The following TBATA variants were observed in gnomAD, a reference collection of about 807,000 sequenced individuals.
TBATA encodes protein TBATA.
Under a neutral mutation model 38.7 loss-of-function variants are expected in TBATA, and 47 were observed. The observed-to-expected ratio is 1.21, with a 90% CI of 0.96 to 1.55. The LOEUF (loss-of-function observed/expected upper bound fraction) is 1.55. Among genes scored for constraint, TBATA ranks in the 40% most tolerant of loss-of-function variants. The pLI, the probability that TBATA is intolerant of heterozygous loss-of-function variation, is 0.00. For missense variants in TBATA, 436 were observed against 435.6 expected (o/e 1.00, Z -0.01); for synonymous variants, 183 against 170.5 (o/e 1.07, Z -0.57).
At chr10:70,772,615 G>C in intron 9 of TBATA, 49 bp from the exon 10 acceptor site, 1 of 1,599,504 alleles carries the variant, frequency 6.3e-7, no homozygotes, top group Non-Finnish European at 8.6e-7. Flanking sequence ...CTGGAAACCT[G>C]ACCCCACGGG....
intron 2 of TBATA, among the ~76,000 whole-genome samples, 157 bp downstream of exon 2, chr10:70,784,490 C>T (rs772097348): frequency 6.6e-6 from 1 of 152,104 alleles, no homozygotes; most frequent in Non-Finnish European, 1.5e-5. Context: ...TGAGAATTAA[C>T]CCTCAGAGTC....
intron 3 of TBATA, among the ~76,000 whole-genome samples, chr10:70,782,933 A>G (rs764017796): frequency 6.6e-6 from 1 of 152,234 alleles, no homozygotes; most frequent in Non-Finnish European, 1.5e-5. Flanking sequence ...TGAGGACTCC[A>G]CTGACTTGGC....
intron 6 of TBATA, 156 bp downstream of exon 6, chr10:70,778,401 G>A: frequency 2.6e-6 from 2 of 777,756 alleles, no homozygotes; most frequent in Non-Finnish European, 4.5e-6. Flanking sequence ...ACCTAGGTGT[G>A]CTCTCTCCCT....
chr10:70,773,028 TGCC>T (rs1003874843), intron 9 of TBATA, among the ~76,000 whole-genome samples: 4 of 152,204 alleles, frequency 2.6e-5, no homozygotes, highest in African/African-American at 9.6e-5. Flanking sequence ...CCTTTTTATG[TGCC>T]CGATGTTATT....
Position 70,776,842 on chromosome 10 carries a change from T to C in TBATA, c.693+311A>G, listed in dbSNP as rs1052229481. On this transcript the variant is annotated intron_variant, in intron 7 of 10. Coordinates refer to ENST00000456372, the MANE Select transcript of TBATA (RefSeq NM_001318241.2). ...TGCTGTGATGGGCAGGACCTCCTTC[T>C]TCAACCCACCATTGCAGCTCCCTTC... Among the ~76,000 whole-genome samples, 7 of 152,252 alleles carry C rather than the reference T, an allele frequency of 4.6e-5. No homozygotes were observed. In the East Asian group the frequency reaches 1.4e-3, roughly 29 times the overall value.
chr10:70,776,217 G>C (rs879497080), intron 7 of TBATA: 11 of 393,182 alleles, frequency 2.8e-5, no homozygotes, highest in Non-Finnish European at 5.2e-5. Context: ...CCTCTCCCCA[G>C]GCCTCTGCCT....
Position 70,781,809 on chromosome 10 carries a change from T to A in TBATA, c.269A>T (p.His90Leu). The change falls in exon 4 of 11, where the codon CAC (histidine) becomes CTC (leucine). Residue 90 changes from histidine to leucine, a missense_variant. Physicochemically the swap from His to Leu is moderately conservative, Grantham distance 99. Transcript: ENST00000456372. ...AACCAGCCAGGCCCTACCTTGGATG[T>A]GGGTCACGTGCTGGGGGTGTGGGTG... ...RHHPHPQHVT[H>L]IQDLTGKPVC... 6.2e-7 allele frequency: 1 copy of A among 1,613,886 alleles called. No homozygotes were observed. Among genetic ancestry groups the A allele is most frequent in the Non-Finnish European group, 8.5e-7 (1 of 1,179,778 alleles).
At chr10:70,780,573 C>G (rs906930239) in intron 4 of TBATA, among the ~76,000 whole-genome samples, 2 of 152,008 alleles carry the variant, frequency 1.3e-5, no homozygotes, top group South Asian at 4.1e-4. Flanking sequence ...GAAACACCCC[C>G]TCTCGAATGG....
In TBATA at chr10:70,772,468, T is replaced by G. The variant is rs1842885879; in HGVS notation, c.973+46A>C. ...AATCCCCTGAGAAATCCAGCCAGAG[T>G]GGGCCTTGGTGAGTCCCCCAAATGA... On this transcript the variant is annotated intron_variant, in intron 10 of 10. Coordinates refer to ENST00000456372, the MANE Select transcript of TBATA (RefSeq NM_001318241.2). The G allele has an allele frequency of 8.2e-6, 13 of 1,586,702 alleles. No homozygotes were observed. The East Asian group carries it at 2.7e-4, about 33-fold the overall frequency.
rs1422551414 is a variant in TBATA at position 70,772,623 on chromosome 10, G to A, written c.921-57C>T. On this transcript the variant is annotated intron_variant, in intron 9 of 10. Coordinates refer to ENST00000456372, the MANE Select transcript of TBATA (RefSeq NM_001318241.2). ...GGTCATGCTGGAAACCTGACCCCAC[G>A]GGTGGCAGGGGAGACAGGGAGGTGG... 3.3e-5 allele frequency: 52 copies of A among 1,572,706 alleles called. 1 individual carries two copies. The highest frequency in any genetic ancestry group is 6.7e-5 in the Admixed American group (4 of 59,916).
intron 3 of TBATA, among the ~76,000 whole-genome samples, chr10:70,782,871 G>A (rs4517439): frequency 0.054 from 8,247 of 152,268 alleles, 312 homozygotes; most frequent in East Asian, 0.12. Context: ...TCCTTTTGGA[G>A]TACAGATGGA....
At chr10:70,771,542 T>C (rs1842793739) in intron 10 of TBATA, 81 bp from the exon 11 acceptor site, 1 of 1,353,598 alleles carries the variant, frequency 7.4e-7, no homozygotes, top group South Asian at 1.3e-5. Context: ...GATGTGTGAG[T>C]GCTGAGGGGA....
chr10:70,780,724 C>T (rs1835985751), intron 4 of TBATA, among the ~76,000 whole-genome samples: 1 of 152,146 alleles, frequency 6.6e-6, no homozygotes, highest in Non-Finnish European at 1.5e-5. Context: ...CTACACTAGC[C>T]CTTCTGCACA....
chr10:70,778,411 T>C (rs1408544761), intron 6 of TBATA, 146 bp downstream of exon 6: 1 of 832,684 alleles, frequency 1.2e-6, no homozygotes, highest in African/African-American at 1.7e-5. Flanking sequence ...GCTCTCTCCC[T>C]CACTGTGACC....
chr10:70,777,380 G>A (rs1368172693), intron 6 of TBATA, 42 bp from the exon 7 acceptor site: 6 of 1,588,584 alleles, frequency 3.8e-6, no homozygotes, highest in African/African-American at 1.3e-5. Context: ...GTCAGCAAGA[G>A]GGGAGGAAGA....
chr10:70,771,256 T>C lies in TBATA; in HGVS notation c.*120A>G. 1 of 1,600,844 alleles carries C rather than the reference T, an allele frequency of 6.2e-7. No homozygotes were observed. The highest frequency in any genetic ancestry group is 8.5e-7 in the Non-Finnish European group (1 of 1,171,648). Reference sequence around the variant, plus strand: ...TGTCCTCTCTCAGGGAAGACGGTTTTATTTAGTAAGAGTTTTCACGGTAGG... The same window carrying C: ...TGTCCTCTCTCAGGGAAGACGGTTTCATTTAGTAAGAGTTTTCACGGTAGG... On this transcript the variant is annotated 3_prime_UTR_variant, in exon 11 of 11. Coordinates refer to ENST00000456372, the MANE Select transcript of TBATA (RefSeq NM_001318241.2).
intron 6 of TBATA, chr10:70,778,000 G>A: frequency 3.1e-6 from 1 of 324,480 alleles, no homozygotes; most frequent in Non-Finnish European, 6.1e-6. Flanking sequence ...ACAAGGGGCA[G>A]GACCAGACTG....
chr10:70,783,644 T>C (rs1340240559), intron 2 of TBATA, 119 bp from the exon 3 acceptor site: 5 of 410,930 alleles, frequency 1.2e-5, no homozygotes, highest in African/African-American at 1.0e-4. Flanking sequence ...GGGCTACTTA[T>C]AAGAATATTC....
At chr10:70,780,062 T>C (rs887092840) in intron 4 of TBATA, among the ~76,000 whole-genome samples, 1 of 152,124 alleles carries the variant, frequency 6.6e-6, no homozygotes, top group Non-Finnish European at 1.5e-5. Context: ...GGCAACAAAT[T>C]GCCGATGTGA....
Sources: allele counts gnomAD v4.1 joint callset (sites outside exome capture counted in the v4.1 genomes callset), GRCh38; gene constraint gnomAD v4.1.1; transcripts MANE v1.5; gene names NCBI Gene and HGNC (gene_info 2026-07-23, HGNC 2026-07-21).